Variants in CYP2C19 observed in about 807,000 individuals in gnomAD.
CYP2C19 encodes the protein cytochrome P450 2C19.
A neutral mutation model predicts 40.9 loss-of-function variants in CYP2C19; 59 were observed. That is an observed-to-expected ratio of 1.44 (90% CI 1.17 to 1.79). CYP2C19 has a LOEUF of 1.79. CYP2C19 is among the 40% of genes most tolerant of loss of function. The probability of loss-of-function intolerance (pLI) is 0.00; values close to 1 mark genes in which losing one functional copy is unlikely to be tolerated. For missense variants in CYP2C19, 754 were observed against 596.9 expected, an observed-to-expected ratio of 1.26 and a Z score of -2.74; for synonymous variants, 253 against 208.7, an observed-to-expected ratio of 1.21 and a Z score of -1.83.
chr10:94,838,949 A>G (rs1222588634), intron 6 of CYP2C19, among the ~76,000 whole-genome samples: 1 of 151,610 alleles, frequency 6.6e-6, no homozygotes. Context: ...TCTTTCTTTG[A>G]CCCTTTCTTA....
At chr10:94,826,016 T>C (rs1210663739) in intron 6 of CYP2C19, among the ~76,000 whole-genome samples, 2 of 149,970 alleles carry the variant, frequency 1.3e-5, no homozygotes, top group African/African-American at 2.4e-5. Context: ...CATTGATCTA[T>C]ATCTCTGTTT....
chr10:94,816,040 G>A (rs1049800886), intron 5 of CYP2C19, among the ~76,000 whole-genome samples: 14 of 152,008 alleles, frequency 9.2e-5, no homozygotes, highest in African/African-American at 3.1e-4. Context: ...TTTGTGTTTT[G>A]AGAATGAAAG....
intron 6 of CYP2C19, among the ~76,000 whole-genome samples, chr10:94,823,240 G>C (rs556461212): frequency 6.6e-6 from 1 of 152,068 alleles, no homozygotes; most frequent in African/African-American, 2.4e-5. Context: ...TCTCTGCCTA[G>C]GTTTCCTACA....
At position 94,854,395 on chromosome 10, in the gene CYP2C19, G is replaced by A. The variant is rs1449137338; in HGVS notation, c.*1481G>A. ...CTATATTGTTTTAGTTTTAACATTA[G>A]TGGGATGATAATTTTATGCTATTGT... On this transcript the variant is annotated 3_prime_UTR_variant, in exon 9 of 9. Transcript: ENST00000371321. 6.6e-6 allele frequency among the ~76,000 whole-genome samples: 1 copy of A among 152,064 alleles called. No individual in the cohort carries two copies.
Position 94,854,197 on chromosome 10 carries a change from T to C in CYP2C19, c.*1283T>C, listed in dbSNP as rs932091509. Among the ~76,000 whole-genome samples, 2 of 151,954 alleles carry C rather than the reference T, an allele frequency of 1.3e-5. No homozygotes were observed. The highest frequency in any genetic ancestry group is 4.8e-5 in the African/African-American group (2 of 41,360). On this transcript the variant is annotated 3_prime_UTR_variant, in exon 9 of 9. Transcript: ENST00000371321. ...CCACACCAGGCTAATTTTTGTATTT[T>C]TAGTAGAGACAGGGTTTCACTATGT...
At chr10:94,779,442 T>C (rs1188812941) in intron 3 of CYP2C19, among the ~76,000 whole-genome samples, 1 of 152,110 alleles carries the variant, frequency 6.6e-6, no homozygotes, top group Non-Finnish European at 1.5e-5. Flanking sequence ...TAAGTTAAAT[T>C]TGAAGGATGA....
chr10:94,817,407 C>T (rs1465659544), intron 5 of CYP2C19, among the ~76,000 whole-genome samples: 1 of 144,960 alleles, frequency 6.9e-6, no homozygotes, highest in Non-Finnish European at 1.5e-5. Flanking sequence ...ATGTCCTTTG[C>T]CCACTTTTTG....
At chr10:94,763,695 C>A (rs541773737) in intron 1 of CYP2C19, among the ~76,000 whole-genome samples, 18 of 151,696 alleles carry the variant, frequency 1.2e-4, no homozygotes, top group African/African-American at 3.6e-4. Context: ...GGGGGCAGGG[C>A]AAGATTGGTG....
intron 5 of CYP2C19, among the ~76,000 whole-genome samples, chr10:94,816,838 T>C (rs1419155716): frequency 3.3e-5 from 5 of 149,842 alleles, no homozygotes; most frequent in East Asian, 2.0e-4. Context: ...GTTTGGTTTT[T>C]TGTTCTTGTG....
chr10:94,772,308 A>G (rs1848343975), intron 1 of CYP2C19, among the ~76,000 whole-genome samples: 1 of 152,150 alleles, frequency 6.6e-6, no homozygotes, highest in South Asian at 2.1e-4. Flanking sequence ...TTGGGCAAAA[A>G]TTATGTCTTT....
intron 5 of CYP2C19, among the ~76,000 whole-genome samples, chr10:94,812,566 T>C (rs1848943701): frequency 6.6e-6 from 1 of 152,188 alleles, no homozygotes; most frequent in Non-Finnish European, 1.5e-5. Context: ...GGAGGCTATG[T>C]TCATTTCTTT....
chr10:94,772,397 C>G (rs1400630448), intron 1 of CYP2C19, among the ~76,000 whole-genome samples: 1 of 152,072 alleles, frequency 6.6e-6, no homozygotes, highest in Non-Finnish European at 1.5e-5. Flanking sequence ...GTAGGAGAAA[C>G]TAGAAAAGCA....
At chr10:94,846,812 A>G (rs1343588893) in intron 7 of CYP2C19, among the ~76,000 whole-genome samples, 1 of 151,042 alleles carries the variant, frequency 6.6e-6, no homozygotes, top group Non-Finnish European at 1.5e-5. Flanking sequence ...AGCATTAGGT[A>G]TATCTCCTAA....
At chr10:94,850,425 C>T (rs1467036617) in intron 8 of CYP2C19, among the ~76,000 whole-genome samples, 1 of 152,148 alleles carries the variant, frequency 6.6e-6, no homozygotes, top group African/African-American at 2.4e-5. Flanking sequence ...GTGTCTTCCA[C>T]ATGGTGTCCC....
At chr10:94,816,237 T>C (rs1039465076) in intron 5 of CYP2C19, among the ~76,000 whole-genome samples, 1 of 151,320 alleles carries the variant, frequency 6.6e-6, no homozygotes, top group Non-Finnish European at 1.5e-5. Flanking sequence ...TACAGTATTT[T>C]TTCTTTCTTT....
intron 5 of CYP2C19, among the ~76,000 whole-genome samples, chr10:94,793,742 G>A (rs58349349): frequency 7.9e-5 from 12 of 152,124 alleles, no homozygotes; most frequent in East Asian, 5.8e-4. Flanking sequence ...AAGGAGCACC[G>A]GGCTGTATGG....
intron 3 of CYP2C19, among the ~76,000 whole-genome samples, chr10:94,777,983 CT>C (rs1484270705): frequency 6.6e-6 from 1 of 152,048 alleles, no homozygotes; most frequent in African/African-American, 2.4e-5. Context: ...AAAAAAACTG[CT>C]GGGTCTGTCC....
At chr10:94,783,498 G>C (rs577539576) in intron 5 of CYP2C19, among the ~76,000 whole-genome samples, 1 of 152,230 alleles carries the variant, frequency 6.6e-6, no homozygotes, top group South Asian at 2.1e-4. Context: ...CAGATACCGT[G>C]TAAACATCAC....
chr10:94,843,027 A>C lies in CYP2C19; in HGVS notation c.1149+3A>C, dbSNP rs533047949. ...TCAGAAACTACCTCATTCCCAAGGT[A>C]AGTTTGTTTCTCCTACACTGCAACT... On this transcript the variant is annotated splice_donor_region_variant and intron_variant, in intron 7 of 8. Transcript: ENST00000371321. The C allele has an allele frequency of 6.8e-6, 11 of 1,614,082 alleles. No homozygotes were observed. In the African/African-American group the frequency reaches 1.3e-4, roughly 20 times the overall value.
Sources: allele counts gnomAD v4.1 joint callset (sites outside exome capture counted in the v4.1 genomes callset), GRCh38; gene constraint gnomAD v4.1.1; transcripts MANE v1.5; gene names NCBI Gene and HGNC (gene_info 2026-07-23, HGNC 2026-07-21).